Variants in PCDHA4 observed in about 807,000 individuals in gnomAD.
The protein encoded by PCDHA4 is protocadherin alpha-4.
Under a neutral mutation model 61.4 loss-of-function variants are expected in PCDHA4, and 49 were observed. That is an observed-to-expected ratio of 0.80 (90% CI 0.63 to 1.01). The LOEUF is 1.01. Among genes scored for constraint, PCDHA4 ranks in the 50% least tolerant of loss-of-function variants. The pLI is 0.00. For missense variants in PCDHA4, 1,254 were observed against 1,235.8 expected, an observed-to-expected ratio of 1.01 and a Z score of -0.22; for synonymous variants, 590 against 550.3, an observed-to-expected ratio of 1.07 and a Z score of -1.01.
chr5:140,853,497 T>C lies in PCDHA4; in HGVS notation c.2385+43925T>C, dbSNP rs1479086696. On this transcript the variant is annotated intron_variant, in intron 1 of 3. Coordinates refer to ENST00000530339, the MANE Select transcript of PCDHA4 (RefSeq NM_018907.4). Reference sequence around the variant, plus strand: ...TAACATTCCTCAATTCAAGTTAGAATCATGAAACAATAATGAAGCTCCTCC... The same window carrying C: ...TAACATTCCTCAATTCAAGTTAGAACCATGAAACAATAATGAAGCTCCTCC... The C allele has an allele frequency of 3.6e-5, 35 of 975,892 alleles. 4 individuals are homozygous for C. The highest frequency in any genetic ancestry group is 4.2e-5 in the Non-Finnish European group (34 of 808,754). The allele number at this position is 975,892 out of a possible 1,614,324, so 60.5% of individuals were successfully genotyped here.
At chr5:140,876,906 G>T (rs782762108) in intron 1 of PCDHA4, 13 of 1,613,908 alleles carry the variant, frequency 8.1e-6, no homozygotes, top group South Asian at 2.2e-5. Flanking sequence ...TCACGGTGTC[G>T]GCATGGGACG....
intron 1 of PCDHA4, among the ~76,000 whole-genome samples, chr5:140,902,107 T>G (rs2069104126): frequency 6.6e-6 from 1 of 152,174 alleles, no homozygotes; most frequent in African/African-American, 2.4e-5. Flanking sequence ...CTTTAGATTT[T>G]TTTAAAACTG....
intron 2 of PCDHA4, among the ~76,000 whole-genome samples, chr5:140,979,404 C>T (rs2096848893): frequency 6.6e-6 from 1 of 151,980 alleles, no homozygotes; most frequent in Non-Finnish European, 1.5e-5. Context: ...ATGTTGTCTA[C>T]CTTGTTTTTT....
intron 1 of PCDHA4, chr5:140,967,032 A>T: frequency 6.2e-7 from 1 of 1,610,180 alleles, no homozygotes; most frequent in Non-Finnish European, 8.5e-7. Flanking sequence ...AGTCCGCGCT[A>T]CCTGGAGCTG....
intron 1 of PCDHA4, among the ~76,000 whole-genome samples, chr5:140,952,745 A>G (rs1554220592): frequency 6.6e-6 from 1 of 152,220 alleles, no homozygotes; most frequent in African/African-American, 2.4e-5. Context: ...TCACACTGCT[A>G]TAAAAACACC....
intron 1 of PCDHA4, chr5:140,860,992 T>C (rs173699): frequency 1 from 152,392 of 152,392 alleles, 76,196 homozygotes; most frequent in Non-Finnish European, 1. Context: ...CGGCCTCGGC[T>C]TCCCAAAGTG....
At chr5:140,834,160 T>G (rs2150213873) in intron 1 of PCDHA4, 2 of 539,050 alleles carry the variant, frequency 3.7e-6, no homozygotes, top group Non-Finnish European at 6.5e-6. Context: ...GGTTTGTAAT[T>G]CTTACTTACA....
intron 1 of PCDHA4, chr5:140,967,149 C>A (rs781864120): frequency 1.3e-5 from 21 of 1,610,890 alleles, no homozygotes; most frequent in Non-Finnish European, 1.7e-5. Flanking sequence ...GCGCACAACC[C>A]CGTGGCGGTG....
Position 140,857,975 on chromosome 5 carries a change from C to T in PCDHA4, c.2385+48403C>T, listed in dbSNP as rs782181380. The T allele has an allele frequency of 7.5e-6, 12 of 1,596,906 alleles. 2 individuals are homozygous for T. In the Admixed American group the frequency reaches 1.0e-4, roughly 14 times the overall value. On this transcript the variant is annotated intron_variant, in intron 1 of 3. Coordinates refer to ENST00000530339, the MANE Select transcript of PCDHA4 (RefSeq NM_018907.4). ...CGCTCTGGATGAGACTGACTCGCCA[C>T]GCCAGCGCCTACTGGTGCTGGTGAA...
At chr5:140,828,000 C>A (rs1769482797) in intron 1 of PCDHA4, 30 of 1,490,872 alleles carry the variant, frequency 2.0e-5, no homozygotes, top group Non-Finnish European at 2.6e-5. Flanking sequence ...ATGGCGGACG[C>A]AGAAGAAATG....
intron 1 of PCDHA4, among the ~76,000 whole-genome samples, chr5:140,899,678 G>C (rs1554188694): frequency 6.6e-6 from 1 of 152,210 alleles, no homozygotes; most frequent in Non-Finnish European, 1.5e-5. Flanking sequence ...TTGGTATCAG[G>C]ATGATGCTGG....
intron 1 of PCDHA4, chr5:140,865,867 G>A (rs1382471078): frequency 7.9e-5 from 12 of 152,202 alleles, no homozygotes; most frequent in South Asian, 2.1e-4. Flanking sequence ...ACATGGTCTC[G>A]GCTAGGAAAA....
intron 1 of PCDHA4, among the ~76,000 whole-genome samples, chr5:140,937,805 G>A (rs1192616946): frequency 1.3e-5 from 2 of 149,798 alleles, no homozygotes; most frequent in African/African-American, 2.5e-5. Context: ...CCAGCTACTC[G>A]GGAAGCTGAG....
intron 1 of PCDHA4, among the ~76,000 whole-genome samples, chr5:140,919,697 A>G (rs1395748776): frequency 1.3e-5 from 2 of 152,188 alleles, no homozygotes; most frequent in Non-Finnish European, 2.9e-5. Flanking sequence ...GATTTATATT[A>G]ACTTAATTCT....
intron 1 of PCDHA4, chr5:140,930,358 T>G (rs1253370170): frequency 6.6e-6 from 1 of 152,216 alleles, no homozygotes; most frequent in Non-Finnish European, 1.5e-5. Context: ...AATATTTCAA[T>G]TTATCTGTTA....
chr5:140,975,612 C>T (rs1554236918), intron 1 of PCDHA4, among the ~76,000 whole-genome samples: 1 of 152,194 alleles, frequency 6.6e-6, no homozygotes, highest in Non-Finnish European at 1.5e-5. Flanking sequence ...ATGTCTTCCA[C>T]ATGGATTTCC....
intron 1 of PCDHA4, chr5:140,875,641 G>A (rs782380583): frequency 6.2e-7 from 1 of 1,613,690 alleles, no homozygotes; most frequent in South Asian, 1.1e-5. Flanking sequence ...GCTGGAGCTG[G>A]CGGAGCTGGT....
At chr5:140,858,851 A>G in intron 1 of PCDHA4, 1 of 282,254 alleles carries the variant, frequency 3.5e-6, no homozygotes, top group Non-Finnish European at 6.7e-6. Flanking sequence ...ACTGATCTAT[A>G]TCTCTTCAGT....
At chr5:140,948,351 A>G (rs951541212) in intron 1 of PCDHA4, among the ~76,000 whole-genome samples, 1 of 151,646 alleles carries the variant, frequency 6.6e-6, no homozygotes, top group East Asian at 1.9e-4. Flanking sequence ...TTCTAACCTA[A>G]TAAAATGACT....
Sources: gnomAD v4.1 joint callset for allele counts (sites outside exome capture counted in the v4.1 genomes callset) on GRCh38, gnomAD v4.1.1 for gene constraint, MANE v1.5 for transcripts, NCBI Gene and HGNC (gene_info 2026-07-23, HGNC 2026-07-21) for gene names.